The following MNS1 variants were observed in gnomAD, a reference collection of about 807,000 sequenced individuals.
MNS1 encodes meiosis-specific nuclear structural protein 1.
MNS1 carries 63 observed loss-of-function variants against 72.0 expected under a neutral mutation model. The observed-to-expected ratio is 0.87, with a 90% CI of 0.71 to 1.08. The LOEUF (loss-of-function observed/expected upper bound fraction) is 1.08, where lower values mean the gene tolerates loss of function less well. Among genes scored for constraint, MNS1 ranks in the 50% least tolerant of loss-of-function variants. MNS1 has a pLI of 0.00. For synonymous variants in MNS1, 188 were observed against 172.1 expected (o/e 1.09, Z -0.72); for missense variants, 604 against 562.4 (o/e 1.07, Z -0.75).
At chr15:56,447,618 C>T (rs188163563) in intron 3 of MNS1, 43 of 152,092 alleles carry the variant, frequency 2.8e-4, no homozygotes, top group African/African-American at 1.0e-3. Flanking sequence ...AATTTATACC[C>T]AACAATATCA....
At chr15:56,434,675 A>T in intron 7 of MNS1, among the ~76,000 whole-genome samples, 1 of 152,130 alleles carries the variant, frequency 6.6e-6, no homozygotes, top group East Asian at 1.9e-4. Flanking sequence ...CTTTGGAAAG[A>T]GCTGTTACAA....
At chr15:56,462,001 T>TTTG (rs1567155381) in intron 2 of MNS1, among the ~76,000 whole-genome samples, 1 of 142,588 alleles carries the variant, frequency 7.0e-6, no homozygotes, top group African/African-American at 2.6e-5. Flanking sequence ...TTTTTTTTTT[T>TTTG]TTTTTTTTTG....
At chr15:56,434,707 G>C (rs1168910191) in intron 7 of MNS1, among the ~76,000 whole-genome samples, 3 of 152,056 alleles carry the variant, frequency 2.0e-5, no homozygotes, top group African/African-American at 7.2e-5. Flanking sequence ...GCACACCTGA[G>C]TTTATTCATC....
chr15:56,447,180 C>G (rs2050911929), intron 3 of MNS1: 2 of 355,426 alleles, frequency 5.6e-6, no homozygotes, highest in Non-Finnish European at 1.0e-5. Context: ...GTTTGCTTAT[C>G]CTGTGTCAAT....
rs756478185 is a variant in MNS1 at position 56,456,658 on chromosome 15, T to G, written c.226-137A>C. ...ATGTTTTATTTTAAAATACAAAATG[T>G]TGTTTCAATAAATACTTTTTCAAAA... On this transcript the variant is annotated intron_variant, in intron 2 of 9. Coordinates refer to ENST00000260453, the MANE Select transcript of MNS1 (RefSeq NM_018365.4). 3.3e-6 allele frequency: 3 copies of G among 898,044 alleles called. No individual in the cohort carries two copies. The African/African-American group carries it at 5.2e-5, about 16-fold the overall frequency. 55.6% of individuals were successfully genotyped at this position (898,044 alleles called of 1,614,324 possible).
intron 3 of MNS1, among the ~76,000 whole-genome samples, chr15:56,453,760 G>A (rs2050962853): frequency 6.6e-6 from 1 of 152,078 alleles, no homozygotes; most frequent in Admixed American, 6.5e-5. Flanking sequence ...TATCTTTTAA[G>A]TACTTTCTTG....
rs55708627 is a variant in MNS1 at position 56,461,995 on chromosome 15, T to G, written c.225+2031A>C. 2.5e-3 allele frequency among the ~76,000 whole-genome samples: 302 copies of G among 121,636 alleles called. 5 individuals carry two copies. Among genetic ancestry groups the G allele is most frequent in the Middle Eastern group, 7.8e-3 (2 of 256 alleles). 79.8% of individuals were successfully genotyped at this position (121,636 alleles called of 152,430 possible). A position where few individuals can be genotyped will look rare whatever the true frequency, so the allele number is the denominator to read the frequency against. ...TTGTTGTTTTTTTTTTTTTTTTTTTTTTTTTTTTTTTTTTTGTGGGGTGGG... is the reference window on the plus strand; with the variant it reads ...TTGTTGTTTTTTTTTTTTTTTTTTTGTTTTTTTTTTTTTTTGTGGGGTGGG... On this transcript the variant is annotated intron_variant, in intron 2 of 9. Transcript: ENST00000260453.
Position 56,429,126 on chromosome 15 carries a change from C to T in MNS1, c.1463G>A (p.Arg488Lys), listed in dbSNP as rs2050476613. ...GEEFRKVYQQ[R>K]SEICEEK ...TCATTTCTCTTCACAAATTTCACTCCTTTGTTGATATACTTTCCTGAACTC... is the reference window on the plus strand; with the variant it reads ...TCATTTCTCTTCACAAATTTCACTCTTTTGTTGATATACTTTCCTGAACTC... Residue 488 changes from arginine (R) to lysine (K), a missense_variant, in exon 10 of 10, where the codon AGG becomes AAG. By Grantham distance (26) the Arg-to-Lys change is conservative. Coordinates refer to ENST00000260453, the MANE Select transcript of MNS1 (RefSeq NM_018365.4). The T allele has an allele frequency of 1.0e-5, 16 of 1,599,930 alleles. No homozygotes were observed. The highest frequency in any genetic ancestry group is 1.4e-5 in the Non-Finnish European group (16 of 1,174,004).
At chr15:56,461,006 A>G (rs1311622573) in intron 2 of MNS1, among the ~76,000 whole-genome samples, 1 of 152,208 alleles carries the variant, frequency 6.6e-6, no homozygotes, top group Non-Finnish European at 1.5e-5. Flanking sequence ...GAAAGAGCCA[A>G]TGTTTTAGTT....
At chr15:56,441,237 T>C (rs1244027570) in intron 7 of MNS1, among the ~76,000 whole-genome samples, 1 of 152,156 alleles carries the variant, frequency 6.6e-6, no homozygotes, top group Non-Finnish European at 1.5e-5. Flanking sequence ...AATTCCACTG[T>C]AGTCAGAAAA....
chr15:56,447,895 A>G (rs2140365689), intron 3 of MNS1, among the ~76,000 whole-genome samples: 1 of 152,328 alleles, frequency 6.6e-6, no homozygotes, highest in Middle Eastern at 3.4e-3. Context: ...TATAAATGGA[A>G]TCATAGTGCA....
At chr15:56,463,075 C>A (rs1342038900) in intron 2 of MNS1, among the ~76,000 whole-genome samples, 1 of 152,092 alleles carries the variant, frequency 6.6e-6, no homozygotes, top group Non-Finnish European at 1.5e-5. Flanking sequence ...CATACAGCAG[C>A]TACTCAAAAA....
At chr15:56,461,823 C>T (rs1367960210) in intron 2 of MNS1, among the ~76,000 whole-genome samples, 1 of 151,662 alleles carries the variant, frequency 6.6e-6, no homozygotes, top group Non-Finnish European at 1.5e-5. Context: ...AAGTCAAAAA[C>T]TAAATAAAAC....
chr15:56,440,302 A>C (rs1596259295), intron 7 of MNS1, among the ~76,000 whole-genome samples: 1 of 152,196 alleles, frequency 6.6e-6, no homozygotes, highest in Middle Eastern at 3.2e-3. Flanking sequence ...TTAAAAAATA[A>C]ACTGTGTTAA....
intron 9 of MNS1, chr15:56,429,595 T>A (rs544894324): frequency 6.5e-6 from 1 of 153,670 alleles, no homozygotes; most frequent in African/African-American, 2.4e-5. Flanking sequence ...CATGCCTCAG[T>A]TCTATGGCTA....
intron 7 of MNS1, 72 bp downstream of exon 7, chr15:56,443,358 A>G (rs1456750724): frequency 1.4e-5 from 15 of 1,105,302 alleles, no homozygotes; most frequent in African/African-American, 1.3e-4. Context: ...TAAATGTACT[A>G]TCTCTTTTCT....
At chr15:56,429,358 A>G (rs932768554) in intron 9 of MNS1, 165 bp from the exon 10 acceptor site, 2 of 554,148 alleles carry the variant, frequency 3.6e-6, no homozygotes, top group South Asian at 4.7e-5. Flanking sequence ...AAAAAATAAG[A>G]CTTTACATAT....
intron 7 of MNS1, 142 bp from the exon 8 acceptor site, chr15:56,434,537 T>A (rs979224749): frequency 1.1e-6 from 1 of 897,808 alleles, no homozygotes. Context: ...CATGATAACT[T>A]TGTCCATCCC....
chr15:56,437,567 G>A (rs1377373216), intron 7 of MNS1, among the ~76,000 whole-genome samples: 5 of 152,168 alleles, frequency 3.3e-5, no homozygotes, highest in Admixed American at 2.6e-4. Context: ...AGACAGGGAT[G>A]CCCTCTCTCA....
Sources: allele counts gnomAD v4.1 joint callset (sites outside exome capture counted in the v4.1 genomes callset), GRCh38; gene constraint gnomAD v4.1.1; transcripts MANE v1.5; gene names NCBI Gene and HGNC (gene_info 2026-07-23, HGNC 2026-07-21).